PIP4P2: variants seen among roughly 807,000 people sequenced by gnomAD.
PIP4P2 encodes the protein phosphatidylinositol-4,5-bisphosphate 4-phosphatase 2.
A neutral mutation model predicts 33.3 loss-of-function variants in PIP4P2; 19 were observed. The observed-to-expected ratio is 0.57, with a 90% CI of 0.40 to 0.84. The LOEUF is 0.84. PIP4P2 is among the 40% of genes least tolerant of loss of function. The pLI is 0.00. For missense variants in PIP4P2, 270 were observed against 324.7 expected (o/e 0.83, Z 1.29); for synonymous variants, 110 against 111.9 (o/e 0.98, Z 0.11).
Position 91,040,352 on chromosome 8 carries a change from T to C in PIP4P2, c.106+292A>G, listed in dbSNP as rs191160974. 4.7e-3 allele frequency among the ~76,000 whole-genome samples: 716 copies of C among 152,148 alleles called. 5 individuals carry two copies. The highest frequency in any genetic ancestry group is 7.6e-3 in the Non-Finnish European group (514 of 67,966). On this transcript the variant is annotated intron_variant, in intron 1 of 6. Coordinates refer to ENST00000285419, the MANE Select transcript of PIP4P2 (RefSeq NM_018710.3). ...AGCTTGGGAAATTCATGTCACATAC[T>C]GTAGCCCTGGGTAAGAAGTGGTGAA...
intron 5 of PIP4P2, among the ~76,000 whole-genome samples, chr8:91,008,044 C>G (rs1231842917): frequency 6.6e-6 from 1 of 152,102 alleles, no homozygotes; most frequent in African/African-American, 2.4e-5. Flanking sequence ...GCTCCATCTG[C>G]CTTTTCCTTT....
intron 5 of PIP4P2, among the ~76,000 whole-genome samples, chr8:91,007,180 G>A (rs533506679): frequency 6.6e-6 from 1 of 152,210 alleles, no homozygotes; most frequent in African/African-American, 2.4e-5. Flanking sequence ...TTTTGTGCAC[G>A]TATTAAGGGT....
intron 2 of PIP4P2, 110 bp downstream of exon 2, chr8:91,021,146 A>G: frequency 7.9e-7 from 1 of 1,258,828 alleles, no homozygotes; most frequent in Non-Finnish European, 1.1e-6. Flanking sequence ...AGATTACCAT[A>G]TTTGTATCCA....
chr8:91,031,740 T>C (rs561142204), intron 1 of PIP4P2, among the ~76,000 whole-genome samples: 2 of 152,232 alleles, frequency 1.3e-5, no homozygotes, highest in Non-Finnish European at 2.9e-5. Flanking sequence ...ATCTTCAATA[T>C]ATTATCTTTC....
At chr8:91,006,874 CAGG>C (rs1811771420) in intron 5 of PIP4P2, among the ~76,000 whole-genome samples, 1 of 152,168 alleles carries the variant, frequency 6.6e-6, no homozygotes, top group Non-Finnish European at 1.5e-5. Context: ...GAGGCTGAGG[CAGG>C]AGAATTGCTT....
intron 1 of PIP4P2, among the ~76,000 whole-genome samples, chr8:91,025,537 T>G (rs1463112870): frequency 2.0e-5 from 3 of 152,322 alleles, no homozygotes; most frequent in Non-Finnish European, 4.4e-5. Flanking sequence ...CTTTATTATC[T>G]CAATTATTCC....
Position 91,022,326 on chromosome 8 carries a change from T to C in PIP4P2, c.107-922A>G, listed in dbSNP as rs1003723170. On this transcript the variant is annotated intron_variant, in intron 1 of 6. Coordinates refer to ENST00000285419, the MANE Select transcript of PIP4P2 (RefSeq NM_018710.3). ...TCCTAAGGTTGACTCAGTGAGTGAG[T>C]GAAGGGTGGAGGCCCACTTTCAAAA... Among the ~76,000 whole-genome samples, 5 of 152,138 alleles carry C rather than the reference T, an allele frequency of 3.3e-5. 1 individual carries two copies. Among genetic ancestry groups the C allele is most frequent in the African/African-American group, 1.2e-4 (5 of 41,506 alleles).
intron 1 of PIP4P2, chr8:91,024,456 T>G (rs896611975): frequency 9.2e-5 from 27 of 293,586 alleles, no homozygotes; most frequent in Non-Finnish European, 1.7e-4. Context: ...TAACTTAGAT[T>G]TATTCATTTT....
chr8:91,002,263 A>G (rs746258275), intron 5 of PIP4P2, among the ~76,000 whole-genome samples: 21 of 152,230 alleles, frequency 1.4e-4, no homozygotes, highest in African/African-American at 3.4e-4. Flanking sequence ...ATTTAAAAGG[A>G]TGATTTTTAC....
intron 3 of PIP4P2, 130 bp from the exon 4 acceptor site, chr8:91,018,643 G>A: frequency 7.1e-7 from 1 of 1,404,294 alleles, no homozygotes; most frequent in East Asian, 2.4e-5. Flanking sequence ...ATGTCAAGCT[G>A]GAGGCAAAAC....
intron 5 of PIP4P2, 100 bp from the exon 6 acceptor site, chr8:90,996,844 T>C: frequency 1.1e-6 from 1 of 901,006 alleles, no homozygotes; most frequent in Non-Finnish European, 1.7e-6. Context: ...TAATATTATA[T>C]ACTTTTTATT....
chr8:91,004,062 G>C (rs1283156395), intron 5 of PIP4P2, among the ~76,000 whole-genome samples: 1 of 152,132 alleles, frequency 6.6e-6, no homozygotes, highest in African/African-American at 2.4e-5. Context: ...TGTGATTATA[G>C]AGGCTGAGAA....
intron 3 of PIP4P2, 90 bp from the exon 4 acceptor site, chr8:91,018,603 T>C: frequency 6.5e-7 from 1 of 1,541,870 alleles, no homozygotes; most frequent in Non-Finnish European, 8.8e-7. Flanking sequence ...TGAAATGTGC[T>C]ATACTTGTTT....
In PIP4P2 at chr8:91,030,199, G is replaced by A. The variant is rs188437251; in HGVS notation, c.107-8795C>T. ...ATTGCACAACAGACTGGGCGACAGA[G>A]CAAGACTCCATCTCAAAAAAAAAAA... is the stretch of plus-strand genomic sequence containing the variant. On this transcript the variant is annotated intron_variant, in intron 1 of 6. Transcript: ENST00000285419. 4.9e-3 allele frequency among the ~76,000 whole-genome samples: 665 copies of A among 135,692 alleles called. 2 individuals are homozygous for A. The highest frequency in any genetic ancestry group is 8.0e-3 in the Non-Finnish European group (515 of 64,138). 89.0% of individuals were successfully genotyped at this position (135,692 alleles called of 152,430 possible).
In PIP4P2 at chr8:90,995,095, C is replaced by CA. The variant is rs1660701613; in HGVS notation, c.*581dup. 6.6e-6 allele frequency: 1 copy of CA among 151,988 alleles called. No individual in the cohort carries two copies. The highest frequency in any genetic ancestry group is 1.5e-5 in the Non-Finnish European group (1 of 67,840). The allele number at this position is 151,988 out of a possible 1,614,324, so 9.4% of individuals were successfully genotyped here. ...AAATATTTTATCTTTCTACAAACAA[C>CA]AAAAAACAAGCAAACAGTATCTAGA... On this transcript the variant is annotated 3_prime_UTR_variant, in exon 7 of 7. Coordinates refer to ENST00000285419, the MANE Select transcript of PIP4P2 (RefSeq NM_018710.3).
intron 1 of PIP4P2, among the ~76,000 whole-genome samples, chr8:91,034,646 C>T (rs893649642): frequency 6.6e-6 from 1 of 152,200 alleles, no homozygotes; most frequent in Non-Finnish European, 1.5e-5. Context: ...GGAAGCTGCT[C>T]TCAAATATCC....
intron 1 of PIP4P2, among the ~76,000 whole-genome samples, chr8:91,021,993 A>G (rs995115354): frequency 2.0e-5 from 3 of 152,184 alleles, no homozygotes; most frequent in Non-Finnish European, 2.9e-5. Flanking sequence ...GAACCATGCT[A>G]ATTTCAGACA....
intron 1 of PIP4P2, among the ~76,000 whole-genome samples, chr8:91,030,213 CA>C (rs35093838): frequency 0.58 from 66,526 of 114,574 alleles, 17,689 homozygotes; most frequent in Middle Eastern, 0.69. Flanking sequence ...GACTCCATCT[CA>C]AAAAAAAAAA....
At chr8:91,006,293 T>C (rs1811762008) in intron 5 of PIP4P2, among the ~76,000 whole-genome samples, 1 of 152,214 alleles carries the variant, frequency 6.6e-6, no homozygotes, top group Non-Finnish European at 1.5e-5. Context: ...GTTTAGCATG[T>C]GACTCTGATT....
Sources: gnomAD v4.1 joint callset for allele counts (sites outside exome capture counted in the v4.1 genomes callset) on GRCh38, gnomAD v4.1.1 for gene constraint, MANE v1.5 for transcripts, NCBI Gene and HGNC (gene_info 2026-07-23, HGNC 2026-07-21) for gene names.